The following FNDC3A variants were observed in gnomAD, a reference collection of about 807,000 sequenced individuals.
The protein encoded by FNDC3A is fibronectin type-III domain-containing protein 3A.
Under a neutral mutation model 148.9 loss-of-function variants are expected in FNDC3A, and 32 were observed. The ratio of observed to expected loss-of-function variants is 0.21; its 90% confidence interval spans 0.16 to 0.29. The LOEUF (loss-of-function observed/expected upper bound fraction) is 0.29. FNDC3A is among the 10% of genes least tolerant of loss of function. FNDC3A has a pLI of 1.00. For missense variants in FNDC3A, 1,191 were observed against 1,452.8 expected (o/e 0.82, Z 2.93); for synonymous variants, 472 against 473.6 (o/e 1.00, Z 0.04).
intron 2 of FNDC3A, among the ~76,000 whole-genome samples, chr13:49,023,430 C>G (rs1198232585): frequency 6.6e-6 from 1 of 151,306 alleles, no homozygotes; most frequent in African/African-American, 2.4e-5. Context: ...CGTTTTTATA[C>G]TATCTTAATA....
At chr13:49,105,414 T>C (rs1028057215) in intron 3 of FNDC3A, among the ~76,000 whole-genome samples, 2 of 152,242 alleles carry the variant, frequency 1.3e-5, no homozygotes, top group Non-Finnish European at 2.9e-5. Flanking sequence ...TGATCCATGC[T>C]TCTCTCTAAG....
intron 13 of FNDC3A, among the ~76,000 whole-genome samples, chr13:49,176,344 A>G (rs1480040437): frequency 6.6e-6 from 1 of 152,110 alleles, no homozygotes; most frequent in East Asian, 1.9e-4. Context: ...TTGGTAGGCT[A>G]TGCTGGAAAC....
chr13:49,148,586 A>G (rs1000546066), intron 8 of FNDC3A, among the ~76,000 whole-genome samples: 6 of 152,196 alleles, frequency 3.9e-5, no homozygotes, highest in African/African-American at 1.4e-4. Context: ...TACCAATGCC[A>G]TGCTGTTTTG....
intron 3 of FNDC3A, among the ~76,000 whole-genome samples, chr13:49,084,158 A>G (rs959226275): frequency 6.6e-6 from 1 of 152,254 alleles, no homozygotes; most frequent in Non-Finnish European, 1.5e-5. Flanking sequence ...TCTGAATCTC[A>G]TAGGGGCAGG....
chr13:49,198,579 GT>G lies in FNDC3A; in HGVS notation c.2987+12del, dbSNP rs764054692. The G allele has an allele frequency of 1.9e-6, 3 of 1,604,714 alleles. No homozygotes were observed. Among genetic ancestry groups the G allele is most frequent in the Non-Finnish European group, 2.6e-6 (3 of 1,171,800 alleles). On this transcript the variant is annotated splice_donor_region_variant and intron_variant, in intron 23 of 25. Coordinates refer to ENST00000492622, the MANE Select transcript of FNDC3A (RefSeq NM_001079673.2). The stretch of plus-strand genomic sequence containing the variant: ...GATGGAGGATAAGAATGGACGGTAG[GT>G]TTTTTTAATTGCTTCTTTATATAGT...
chr13:49,173,583 C>A (rs1455148062), intron 11 of FNDC3A, among the ~76,000 whole-genome samples: 2 of 152,146 alleles, frequency 1.3e-5, no homozygotes, highest in Non-Finnish European at 2.9e-5. Context: ...ACACTTAAGG[C>A]AGTATGACTT....
rs180804196 is a variant in FNDC3A at position 49,185,858 on chromosome 13, A to G, written c.1618-106A>G. On this transcript the variant is annotated intron_variant, in intron 14 of 25. Coordinates refer to ENST00000492622, the MANE Select transcript of FNDC3A (RefSeq NM_001079673.2). ...AGCCATTCCAAGCTAAAAAAAATGT[A>G]TTTTATCATTTGGTTGAAGCTGTTT... 1.7e-5 allele frequency: 14 copies of G among 835,826 alleles called. No individual in the cohort carries two copies. The East Asian group carries it at 3.3e-4, about 19-fold the overall frequency. The allele number at this position is 835,826 out of a possible 1,614,324, so 51.8% of individuals were successfully genotyped here.
chr13:49,014,047 G>A (rs1246984677), intron 2 of FNDC3A, among the ~76,000 whole-genome samples: 4 of 145,180 alleles, frequency 2.8e-5, no homozygotes, highest in Admixed American at 6.9e-5. Context: ...GAATAATGCC[G>A]CAGTAAACAT....
rs1468828343 is a variant in FNDC3A at position 49,188,497 on chromosome 13, C to G, written c.1826-18C>G. On this transcript the variant is annotated intron_variant, in intron 16 of 25. Coordinates refer to ENST00000492622, the MANE Select transcript of FNDC3A (RefSeq NM_001079673.2). ...ACATTACCTAGTATCTGATTGAACA[C>G]AATTCCTCACCTTACAGGAAACAAA... 4.6e-6 allele frequency: 7 copies of G among 1,509,532 alleles called. No homozygotes were observed. The highest frequency in any genetic ancestry group is 6.5e-6 in the Non-Finnish European group (7 of 1,085,112). 93.5% of individuals were successfully genotyped at this position (1,509,532 alleles called of 1,614,324 possible). A position where few individuals can be genotyped will look rare whatever the true frequency, so the allele number is the denominator to read the frequency against.
chr13:48,982,897 T>G (rs1951720563), intron 1 of FNDC3A, among the ~76,000 whole-genome samples: 1 of 152,214 alleles, frequency 6.6e-6, no homozygotes, highest in African/African-American at 2.4e-5. Flanking sequence ...TAATAGTAGC[T>G]ATCTCCTAAT....
intron 3 of FNDC3A, among the ~76,000 whole-genome samples, chr13:49,087,943 G>A (rs1004632140): frequency 6.6e-6 from 1 of 152,042 alleles, no homozygotes; most frequent in Non-Finnish European, 1.5e-5. Flanking sequence ...GAAGAAAGGT[G>A]TTGCTATCTG....
At chr13:48,985,465 A>G (rs1272210896) in intron 1 of FNDC3A, among the ~76,000 whole-genome samples, 5 of 152,306 alleles carry the variant, frequency 3.3e-5, no homozygotes, top group Admixed American at 2.6e-4. Flanking sequence ...TGCAGAGGAG[A>G]AAATGTATGA....
At chr13:49,123,603 T>C (rs1881503678) in intron 4 of FNDC3A, among the ~76,000 whole-genome samples, 1 of 151,700 alleles carries the variant, frequency 6.6e-6, no homozygotes, top group South Asian at 2.1e-4. Context: ...TCTATCCATC[T>C]GACAAAGGGC....
At chr13:49,010,102 T>C (rs1456568092) in intron 2 of FNDC3A, among the ~76,000 whole-genome samples, 1 of 152,216 alleles carries the variant, frequency 6.6e-6, no homozygotes, top group Non-Finnish European at 1.5e-5. Context: ...CAGCATGTTC[T>C]GGTCAGGAGG....
intron 1 of FNDC3A, among the ~76,000 whole-genome samples, chr13:49,002,423 G>C (rs916144301): frequency 1.3e-5 from 2 of 152,158 alleles, no homozygotes; most frequent in Non-Finnish European, 2.9e-5. Flanking sequence ...GAATGATCAT[G>C]TGGTACCTTT....
chr13:49,180,235 T>C (rs999310130), intron 14 of FNDC3A, among the ~76,000 whole-genome samples: 9 of 152,166 alleles, frequency 5.9e-5, no homozygotes, highest in African/African-American at 2.2e-4. Context: ...CATTTAAATT[T>C]TCCTGCCAGT....
chr13:49,170,480 G>A (rs917136319), intron 10 of FNDC3A, among the ~76,000 whole-genome samples: 1 of 152,112 alleles, frequency 6.6e-6, no homozygotes. Context: ...ACATTGTTTA[G>A]AATTGCCAGA....
intron 7 of FNDC3A, among the ~76,000 whole-genome samples, chr13:49,143,284 G>A (rs1013452013): frequency 6.6e-6 from 1 of 152,118 alleles, no homozygotes; most frequent in African/African-American, 2.4e-5. Flanking sequence ...AATACTTTAG[G>A]AGGCCGGGGC....
chr13:48,977,197 C>A (rs1469563018), intron 1 of FNDC3A, among the ~76,000 whole-genome samples: 3 of 151,412 alleles, frequency 2.0e-5, no homozygotes, highest in Non-Finnish European at 2.9e-5. Context: ...TTTCTTTTTG[C>A]GGTATAATCA....
Sources: gnomAD v4.1 joint callset for allele counts (sites outside exome capture counted in the v4.1 genomes callset) on GRCh38, gnomAD v4.1.1 for gene constraint, MANE v1.5 for transcripts, NCBI Gene and HGNC (gene_info 2026-07-23, HGNC 2026-07-21) for gene names.